The following C7 variants were observed in gnomAD, a reference collection of about 807,000 sequenced individuals.
C7 encodes the protein complement C7.
A neutral mutation model predicts 104.8 loss-of-function variants in C7; 83 were observed. The ratio of observed to expected loss-of-function variants is 0.79; its 90% confidence interval spans 0.66 to 0.95. C7 has a LOEUF of 0.95. C7 is among the 40% of genes least tolerant of loss of function. The probability of loss-of-function intolerance (pLI) is 0.00; values close to 1 mark genes in which losing one functional copy is unlikely to be tolerated. For synonymous variants in C7, 415 were observed against 360.6 expected, an observed-to-expected ratio of 1.15 and a Z score of -1.71; for missense variants, 1,070 against 1,011.2, an observed-to-expected ratio of 1.06 and a Z score of -0.79.
rs35920628 is a variant in C7 at position 40,919,126 on chromosome 5, C to CT, written c.7-9439dup. Among the ~76,000 whole-genome samples, 301 of 143,412 alleles carry CT rather than the reference C, an allele frequency of 2.1e-3. 1 individual carries two copies. The highest frequency in any genetic ancestry group is 4.5e-3 in the African/African-American group (178 of 39,364). The allele number at this position is 143,412 out of a possible 152,430, so 94.1% of individuals were successfully genotyped here. A position where few individuals can be genotyped will look rare whatever the true frequency, so the allele number is the denominator to read the frequency against. The stretch of plus-strand genomic sequence containing the variant: ...AGAAGATTGAAATTATATCAAGTAT[C>CT]TTTTTTTTTTTTTTTGAGTTGGAGT... On this transcript the variant is annotated intron_variant, in intron 1 of 17. Coordinates refer to ENST00000313164, the MANE Select transcript of C7 (RefSeq NM_000587.4).
chr5:40,947,483 A>G, intron 7 of C7, 119 bp from the exon 8 acceptor site: 2 of 1,131,984 alleles, frequency 1.8e-6, no homozygotes, highest in Non-Finnish European at 2.6e-6. Flanking sequence ...AAAAATAAAA[A>G]TTCTTGTAGT....
chr5:40,916,035 G>T (rs1739309187), intron 1 of C7, among the ~76,000 whole-genome samples: 2 of 152,134 alleles, frequency 1.3e-5, no homozygotes, highest in African/African-American at 4.8e-5. Flanking sequence ...GATATTCTTA[G>T]AGAATCAGTA....
chr5:40,957,772 T>TG (rs1554043468), intron 10 of C7, among the ~76,000 whole-genome samples: 5 of 106,794 alleles, frequency 4.7e-5, no homozygotes, highest in African/African-American at 1.3e-4. Context: ...TTTTTTGTTT[T>TG]TTTTTTTTTT....
chr5:40,922,853 A>G (rs751440629), intron 1 of C7, among the ~76,000 whole-genome samples: 1 of 152,196 alleles, frequency 6.6e-6, no homozygotes, highest in African/African-American at 2.4e-5. Flanking sequence ...TTAAATGTAA[A>G]ATGTGAAATT....
In C7 at chr5:40,937,615, A is replaced by T. The variant is rs752128792; in HGVS notation, c.492A>T (p.Gln164His). ...RVINTKSFGG[Q>H]CRKVFSGDGK... Reference sequence around the variant, plus strand: ...TCAATACCAAAAGTTTTGGTGGTCAATGTAGAAAGGTGTTTAGTGGGGATG... The same window carrying T: ...TCAATACCAAAAGTTTTGGTGGTCATTGTAGAAAGGTGTTTAGTGGGGATG... Residue 164 changes from glutamine (Q) to histidine (H), a missense_variant, in exon 6 of 18, where the codon CAA becomes CAT. Coordinates refer to ENST00000313164, the MANE Select transcript of C7 (RefSeq NM_000587.4). 6.2e-7 allele frequency: 1 copy of T among 1,612,878 alleles called. No homozygotes were observed. Among genetic ancestry groups the T allele is most frequent in the East Asian group, 2.2e-5 (1 of 44,826 alleles).
intron 1 of C7, among the ~76,000 whole-genome samples, chr5:40,916,102 A>G (rs938132364): frequency 6.6e-6 from 1 of 152,230 alleles, no homozygotes; most frequent in African/African-American, 2.4e-5. Context: ...GTAGGAAAAT[A>G]CATACAGTTA....
chr5:40,963,723 A>T (rs1025461335), intron 13 of C7, among the ~76,000 whole-genome samples: 2 of 152,106 alleles, frequency 1.3e-5, no homozygotes, highest in Non-Finnish European at 2.9e-5. Flanking sequence ...ATTACCCTTC[A>T]TCCATCCCCA....
chr5:40,971,866 G>A (rs1252471228), intron 14 of C7: 1 of 189,512 alleles, frequency 5.3e-6, no homozygotes, highest in African/African-American at 2.4e-5. Context: ...TTGCTTTTCT[G>A]AGCCCAGGAA....
intron 1 of C7, among the ~76,000 whole-genome samples, chr5:40,913,826 C>G (rs1306898611): frequency 6.6e-6 from 1 of 151,992 alleles, no homozygotes; most frequent in Non-Finnish European, 1.5e-5. Context: ...ACTACAGGTG[C>G]GTGCCAACAT....
At chr5:40,919,562 G>C (rs1396767545) in intron 1 of C7, among the ~76,000 whole-genome samples, 1 of 152,102 alleles carries the variant, frequency 6.6e-6, no homozygotes, top group African/African-American at 2.4e-5. Flanking sequence ...AGGAGTTCAA[G>C]GCTGCAGTAG....
intron 8 of C7, among the ~76,000 whole-genome samples, chr5:40,948,796 T>C (rs1420184407): frequency 6.6e-6 from 1 of 152,182 alleles, no homozygotes; most frequent in East Asian, 1.9e-4. Context: ...TTCAAGGTCT[T>C]TCTCTTCAGA....
intron 15 of C7, among the ~76,000 whole-genome samples, chr5:40,973,407 A>C (rs1740742964): frequency 6.6e-6 from 1 of 152,196 alleles, no homozygotes; most frequent in Non-Finnish European, 1.5e-5. Flanking sequence ...TTAAACGCTG[A>C]AATTTATTTT....
chr5:40,963,558 T>C (rs1740466997), intron 13 of C7, among the ~76,000 whole-genome samples: 1 of 152,092 alleles, frequency 6.6e-6, no homozygotes, highest in East Asian at 1.9e-4. Context: ...ATACTGACAA[T>C]GGGAAGGAGA....
At chr5:40,965,279 C>G (rs1387165880) in intron 14 of C7, among the ~76,000 whole-genome samples, 2 of 152,172 alleles carry the variant, frequency 1.3e-5, no homozygotes, top group Non-Finnish European at 2.9e-5. Context: ...CACCCTAAAA[C>G]TACTCTGGCT....
Position 40,955,556 on chromosome 5 carries a change from A to G in C7, c.1260+3A>G. On this transcript the variant is annotated splice_donor_region_variant and intron_variant, in intron 10 of 17. Coordinates refer to ENST00000313164, the MANE Select transcript of C7 (RefSeq NM_000587.4). ...TTCCTCAAGTCATAAAACAAAAGGT[A>G]TGTCAGGCTTTGTTTAAAGCAATAG... 6.2e-7 allele frequency: 1 copy of G among 1,609,780 alleles called. No homozygotes were observed. The highest frequency in any genetic ancestry group is 8.5e-7 in the Non-Finnish European group (1 of 1,178,080).
chr5:40,918,949 G>GACACACACACACACACACAC (rs138558983), intron 1 of C7, among the ~76,000 whole-genome samples: 5 of 138,316 alleles, frequency 3.6e-5, no homozygotes, highest in African/African-American at 1.1e-4. Flanking sequence ...GAATCTAACA[G>GACACACACACACACACACAC]ACACACACAC....
chr5:40,932,106 AT>A (rs1739697171), intron 3 of C7, among the ~76,000 whole-genome samples: 1 of 152,116 alleles, frequency 6.6e-6, no homozygotes, highest in African/African-American at 2.4e-5. Context: ...TTTGGTATTT[AT>A]TCCCTCAGCT....
At chr5:40,930,623 T>C (rs1302022113) in intron 2 of C7, among the ~76,000 whole-genome samples, 1 of 152,056 alleles carries the variant, frequency 6.6e-6, no homozygotes, top group Non-Finnish European at 1.5e-5. Context: ...AGTGCAGTGG[T>C]GCAATCTCCA....
In C7 at chr5:40,961,811, G is replaced by C. The variant is rs531019966; in HGVS notation, c.1662-274G>C. 3.3e-5 allele frequency among the ~76,000 whole-genome samples: 5 copies of C among 152,288 alleles called. No individual in the cohort carries two copies. The South Asian group carries it at 1.0e-3, about 32-fold the overall frequency. ...AGCAGACAGTAGTATGTTGGCCAAA[G>C]ACTTTCTTTTTCTTTTCATTCTTTC... On this transcript the variant is annotated intron_variant, in intron 12 of 17. Coordinates refer to ENST00000313164, the MANE Select transcript of C7 (RefSeq NM_000587.4).
Sources: allele counts gnomAD v4.1 joint callset (sites outside exome capture counted in the v4.1 genomes callset), GRCh38; gene constraint gnomAD v4.1.1; transcripts MANE v1.5; gene names NCBI Gene and HGNC (gene_info 2026-07-23, HGNC 2026-07-21).